The following GAS2L3 variants were observed in gnomAD, a reference collection of about 807,000 sequenced individuals.
The protein encoded by GAS2L3 is GAS2-like protein 3.
Under a neutral mutation model 37.0 loss-of-function variants are expected in GAS2L3, and 28 were observed. That is an observed-to-expected ratio of 0.76 (90% CI 0.56 to 1.04). The LOEUF (loss-of-function observed/expected upper bound fraction) is 1.04, where lower values mean the gene tolerates loss of function less well. GAS2L3 is among the 50% of genes least tolerant of loss of function. GAS2L3 has a pLI of 0.00. For missense variants in GAS2L3, 793 were observed against 817.6 expected (o/e 0.97, Z 0.37); for synonymous variants, 290 against 296.6 (o/e 0.98, Z 0.23).
chr12:100,610,020 T>C (rs180790924), intron 5 of GAS2L3, among the ~76,000 whole-genome samples: 37 of 152,346 alleles, frequency 2.4e-4, no homozygotes, highest in African/African-American at 8.2e-4. Flanking sequence ...TTTGATTTTT[T>C]ATTCTTGTAA....
intron 6 of GAS2L3, among the ~76,000 whole-genome samples, chr12:100,616,056 G>A (rs1956183844): frequency 6.6e-6 from 1 of 152,168 alleles, no homozygotes; most frequent in Non-Finnish European, 1.5e-5. Context: ...GGATTACACT[G>A]AATCTGTAGG....
chr12:100,580,422 A>G (rs1489889345), intron 1 of GAS2L3, among the ~76,000 whole-genome samples: 1 of 152,256 alleles, frequency 6.6e-6, no homozygotes, highest in East Asian at 1.9e-4. Flanking sequence ...TTAGAAGAGA[A>G]CATTTAAACC....
chr12:100,624,893 A>G lies in GAS2L3; in HGVS notation c.*3A>G. 1 of 1,534,582 alleles carries G rather than the reference A, an allele frequency of 6.5e-7. No homozygotes were observed. The highest frequency in any genetic ancestry group is 8.9e-7 in the Non-Finnish European group (1 of 1,128,614). On this transcript the variant is annotated 3_prime_UTR_variant, in exon 10 of 10. Transcript: ENST00000547754. ...GAAGTAAGAAACCTAGAAAATAAAT[A>G]CATACTCATTATAAAAAAAGAGAAA...
chr12:100,582,777 G>A (rs1023760901), intron 1 of GAS2L3, among the ~76,000 whole-genome samples: 2 of 152,184 alleles, frequency 1.3e-5, no homozygotes, highest in Non-Finnish European at 2.9e-5. Flanking sequence ...TTAGAAATCA[G>A]AACTCAGGGT....
At position 100,579,237 on chromosome 12, in the gene GAS2L3, T is replaced by A. The variant is rs183892313; in HGVS notation, c.-152+5452T>A. ...TCTGGATTTGCTAAGGTCCATTCAG[T>A]GCTTACAAACAAACTTCTAACTGTG... On this transcript the variant is annotated intron_variant, in intron 1 of 9. Transcript: ENST00000547754. 1.8e-5 allele frequency: 11 copies of A among 608,352 alleles called. No individual in the cohort carries two copies. In the East Asian group the frequency reaches 3.0e-4, roughly 17 times the overall value. The allele number at this position is 608,352 out of a possible 1,614,324, so 37.7% of individuals were successfully genotyped here.
intron 6 of GAS2L3, 116 bp downstream of exon 6, chr12:100,612,257 A>G: frequency 1.3e-6 from 1 of 782,424 alleles, no homozygotes; most frequent in Non-Finnish European, 2.2e-6. Context: ...ATTTTCCTAG[A>G]AAAATGTATA....
intron 3 of GAS2L3, among the ~76,000 whole-genome samples, chr12:100,599,061 C>G (rs1427887959): frequency 6.6e-6 from 1 of 152,166 alleles, no homozygotes; most frequent in African/African-American, 2.4e-5. Flanking sequence ...TTGCACAGGG[C>G]TGTCCCCATA....
intron 5 of GAS2L3, among the ~76,000 whole-genome samples, chr12:100,611,675 G>A (rs1956128433): frequency 6.6e-6 from 1 of 151,898 alleles, no homozygotes; most frequent in Non-Finnish European, 1.5e-5. Flanking sequence ...TTCACAATAG[G>A]GTTCAAGCTC....
chr12:100,582,869 G>T (rs1313715523), intron 1 of GAS2L3, among the ~76,000 whole-genome samples: 1 of 152,074 alleles, frequency 6.6e-6, no homozygotes, highest in African/African-American at 2.4e-5. Flanking sequence ...CCCAGTTTCC[G>T]CTGACACCTG....
intron 9 of GAS2L3, among the ~76,000 whole-genome samples, chr12:100,622,703 C>CATA (rs1355149169): frequency 1.1e-5 from 1 of 92,458 alleles, no homozygotes; most frequent in African/African-American, 4.3e-5. Flanking sequence ...AATTTTCCAT[C>CATA]ATAAGAAGAA....
Position 100,614,873 on chromosome 12 carries a change from A to G in GAS2L3, c.445+2732A>G, listed in dbSNP as rs547661600. Among the ~76,000 whole-genome samples, 5 of 152,362 alleles carry G rather than the reference A, an allele frequency of 3.3e-5. No homozygotes were observed. The South Asian group carries it at 8.3e-4, about 25-fold the overall frequency. On this transcript the variant is annotated intron_variant, in intron 6 of 9. Coordinates refer to ENST00000547754, the MANE Select transcript of GAS2L3 (RefSeq NM_174942.3). ...TAATTCCTTTTTATGGTAGACTAAT[A>G]TTCCATCGTATAGATATGCCATATT...
intron 5 of GAS2L3, among the ~76,000 whole-genome samples, chr12:100,611,457 A>G (rs1956125881): frequency 6.6e-6 from 1 of 152,138 alleles, no homozygotes; most frequent in Non-Finnish European, 1.5e-5. Context: ...GCTAATTTTG[A>G]CCAAATCATT....
intron 1 of GAS2L3, chr12:100,579,559 A>C (rs1244187366): frequency 1.3e-6 from 1 of 773,200 alleles, no homozygotes; most frequent in East Asian, 2.4e-5. Context: ...ATTTTGCAAG[A>C]AGTTCCGGAA....
At chr12:100,583,502 TCTTC>T (rs767719224) in intron 1 of GAS2L3, among the ~76,000 whole-genome samples, 14 of 152,250 alleles carry the variant, frequency 9.2e-5, no homozygotes, top group South Asian at 4.2e-4. Context: ...TTTCTTTCTT[TCTTC>T]CTTCCTTCCT....
Position 100,626,572 on chromosome 12 carries a change from G to C in GAS2L3, c.*1682G>C, listed in dbSNP as rs1956334275. On this transcript the variant is annotated 3_prime_UTR_variant, in exon 10 of 10. Coordinates refer to ENST00000547754, the MANE Select transcript of GAS2L3 (RefSeq NM_174942.3). ...ATATTTAGTGCATCTTTTCAGACAG[G>C]AAGAATTTTATCATCAAGTATTCCC... is the stretch of plus-strand genomic sequence containing the variant. 1 of 152,142 alleles carries C rather than the reference G, an allele frequency of 6.6e-6. No homozygotes were observed. Among genetic ancestry groups the C allele is most frequent in the Admixed American group, 6.5e-5 (1 of 15,276 alleles). The allele number at this position is 152,142 out of a possible 1,614,324, so 9.4% of individuals were successfully genotyped here.
rs1956328632 is a variant in GAS2L3 at position 100,626,008 on chromosome 12, A to G, written c.*1118A>G. 6.6e-6 allele frequency: 1 copy of G among 152,154 alleles called. No individual in the cohort carries two copies. Among genetic ancestry groups the G allele is most frequent in the Non-Finnish European group, 1.5e-5 (1 of 68,014 alleles). The allele number at this position is 152,154 out of a possible 1,614,324, so 9.4% of individuals were successfully genotyped here. On this transcript the variant is annotated 3_prime_UTR_variant, in exon 10 of 10. Coordinates refer to ENST00000547754, the MANE Select transcript of GAS2L3 (RefSeq NM_174942.3). ...TCTGCACTGTAGGCACAGTCTCTCA[A>G]GCATATCCTGATCATGTAATGACTG...
At chr12:100,584,911 C>T (rs1310200946) in intron 1 of GAS2L3, among the ~76,000 whole-genome samples, 9 of 95,898 alleles carry the variant, frequency 9.4e-5, no homozygotes, top group Admixed American at 4.4e-4. Flanking sequence ...TTTTTTGAGA[C>T]GGAGTCTTGC....
rs149540147 is a variant in GAS2L3, at chr12:100,608,762, C to T, written c.304-3238C>T. ...TCCTGACCTCGTGATCCGCCCGCCTCGGCCTCCCAAAGTTCTGGGATTACA... is the reference window on the plus strand; with the variant it reads ...TCCTGACCTCGTGATCCGCCCGCCTTGGCCTCCCAAAGTTCTGGGATTACA... On this transcript the variant is annotated intron_variant, in intron 5 of 9. Transcript: ENST00000547754. Among the ~76,000 whole-genome samples, 244 of 152,238 alleles carry T rather than the reference C, an allele frequency of 1.6e-3. 2 individuals carry two copies. The East Asian group carries it at 0.024, about 15-fold the overall frequency.
At chr12:100,577,968 A>G (rs1955659312) in intron 1 of GAS2L3, among the ~76,000 whole-genome samples, 2 of 152,256 alleles carry the variant, frequency 1.3e-5, no homozygotes, top group African/African-American at 2.4e-5. Flanking sequence ...AATCTTTGTT[A>G]GCTTGGTTAA....
Sources: allele counts gnomAD v4.1 joint callset (sites outside exome capture counted in the v4.1 genomes callset), GRCh38; gene constraint gnomAD v4.1.1; transcripts MANE v1.5; gene names NCBI Gene and HGNC (gene_info 2026-07-23, HGNC 2026-07-21).